Variants in LMAN2L observed in about 807,000 individuals in gnomAD.
The protein encoded by LMAN2L is VIP36-like protein.
A neutral mutation model predicts 44.3 loss-of-function variants in LMAN2L; 30 were observed. The observed-to-expected ratio is 0.68, with a 90% CI of 0.51 to 0.92. The LOEUF (loss-of-function observed/expected upper bound fraction) is 0.92, where lower values mean the gene tolerates loss of function less well. Among genes scored for constraint, LMAN2L ranks in the 40% least tolerant of loss-of-function variants. The probability of loss-of-function intolerance (pLI) is 0.00; values close to 1 mark genes in which losing one functional copy is unlikely to be tolerated. For synonymous variants in LMAN2L, 183 were observed against 171.1 expected, an observed-to-expected ratio of 1.07 and a Z score of -0.54; for missense variants, 429 against 446.1, an observed-to-expected ratio of 0.96 and a Z score of 0.35.
intron 4 of LMAN2L, among the ~76,000 whole-genome samples, chr2:96,728,354 C>T (rs182859296): frequency 3.3e-5 from 5 of 151,852 alleles, no homozygotes; most frequent in South Asian, 4.2e-4. Flanking sequence ...AAAAATTAGC[C>T]GGGCGTGGTT....
At chr2:96,715,695 G>A (rs1055602926) in intron 4 of LMAN2L, among the ~76,000 whole-genome samples, 2 of 152,180 alleles carry the variant, frequency 1.3e-5, no homozygotes, top group East Asian at 3.8e-4. Flanking sequence ...TTAAAAAAGT[G>A]TTTTTTGAAG....
intron 4 of LMAN2L, among the ~76,000 whole-genome samples, chr2:96,724,546 C>CTGA (rs2078227280): frequency 6.6e-6 from 1 of 152,296 alleles, no homozygotes; most frequent in African/African-American, 2.4e-5. Flanking sequence ...TGCTCTGTTA[C>CTGA]TGAGGCTAGA....
intron 4 of LMAN2L, among the ~76,000 whole-genome samples, chr2:96,729,930 G>T (rs1211635389): frequency 6.6e-6 from 1 of 152,158 alleles, no homozygotes; most frequent in Non-Finnish European, 1.5e-5. Flanking sequence ...CACTTCAGAC[G>T]AACTGAATCA....
chr2:96,720,362 G>A (rs1320740151), intron 4 of LMAN2L, among the ~76,000 whole-genome samples: 1 of 152,136 alleles, frequency 6.6e-6, no homozygotes, highest in Non-Finnish European at 1.5e-5. Context: ...GTAGCTCCAA[G>A]ATTGCTACTG....
At position 96,739,881 on chromosome 2, in the gene LMAN2L, C is replaced by G. The variant is rs146798342; in HGVS notation, c.160G>C (p.Glu54Gln). The change falls in exon 1 of 8, where the codon GAG becomes CAG. Residue 54 changes from glutamate to glutamine, a missense_variant. By Grantham distance (29) the Glu-to-Gln change is conservative. Coordinates refer to ENST00000264963, the MANE Select transcript of LMAN2L (RefSeq NM_030805.4). ...AGQTFEYLKR[E>Q]HSLSKPYQGV... ...TGGTAGGGCTTCGACAGCGAGTGCT[C>G]CCGTTTCAAGTACTCGAACGTTTGA... The G allele has an allele frequency of 1.2e-6, 2 of 1,613,856 alleles. No homozygotes were observed. Among genetic ancestry groups the G allele is most frequent in the African/African-American group, 2.7e-5 (2 of 74,904 alleles).
intron 2 of LMAN2L, among the ~76,000 whole-genome samples, chr2:96,736,488 G>A (rs2078518183): frequency 6.6e-6 from 1 of 152,200 alleles, no homozygotes; most frequent in Non-Finnish European, 1.5e-5. Flanking sequence ...GCTGCTACAA[G>A]TTATGTAGAG....
intron 4 of LMAN2L, among the ~76,000 whole-genome samples, chr2:96,727,702 GTT>G (rs2078298911): frequency 1.3e-5 from 2 of 152,208 alleles, no homozygotes; most frequent in African/African-American, 4.8e-5. Context: ...CCAGAAAAAT[GTT>G]TTTACCACTG....
At chr2:96,717,767 A>G (rs1402219998) in intron 4 of LMAN2L, among the ~76,000 whole-genome samples, 4 of 149,312 alleles carry the variant, frequency 2.7e-5, no homozygotes, top group Middle Eastern at 3.4e-3. Context: ...TGAACCCAGG[A>G]GGCAGAGGCC....
At position 96,740,016 on chromosome 2, in the gene LMAN2L, C is replaced by G. The variant is rs1345928496; in HGVS notation, c.25G>C (p.Gly9Arg). The G allele has an allele frequency of 1.2e-6, 2 of 1,612,506 alleles. No individual in the cohort carries two copies. The highest frequency in any genetic ancestry group is 8.5e-7 in the Non-Finnish European group (1 of 1,179,686). Residue 9 changes from glycine (G) to arginine (R), a missense_variant, in exon 1 of 8, where the codon GGG becomes CGG. Physicochemically the swap from Gly to Arg is moderately radical, Grantham distance 125 (BLOSUM62 -2). Coordinates refer to ENST00000264963, the MANE Select transcript of LMAN2L (RefSeq NM_030805.4). Reference protein sequence around the residue: MAATLGPLGSWQQWRRCLS... With the variant: MAATLGPLRSWQQWRRCLS... ...CATCGCCGCCACTGCTGCCACGACC[C>G]AAGGGGTCCCAGAGTCGCCGCCATC...
chr2:96,726,154 T>G (rs2078266113), intron 4 of LMAN2L, among the ~76,000 whole-genome samples: 2 of 150,714 alleles, frequency 1.3e-5, no homozygotes, highest in Non-Finnish European at 1.5e-5. Context: ...AAAAAAGAAA[T>G]AAACCTTTTT....
chr2:96,721,326 CTTTTTTTTT>C (rs56023035), intron 4 of LMAN2L, among the ~76,000 whole-genome samples: 12 of 84,600 alleles, frequency 1.4e-4, no homozygotes, highest in African/African-American at 4.4e-4. Context: ...TTCTTTCAGT[CTTTTTTTTT>C]TTTTTTTTTT....
chr2:96,738,421 G>A (rs1039656280), intron 1 of LMAN2L, among the ~76,000 whole-genome samples: 1 of 152,130 alleles, frequency 6.6e-6, no homozygotes, highest in Non-Finnish European at 1.5e-5. Context: ...GCTCACCCAT[G>A]TAATCCCCAC....
intron 3 of LMAN2L, among the ~76,000 whole-genome samples, chr2:96,734,113 C>T (rs574176435): frequency 6.6e-6 from 1 of 152,328 alleles, no homozygotes; most frequent in East Asian, 1.9e-4. Context: ...GAAATCAGCT[C>T]ACCCAATCGT....
intron 4 of LMAN2L, chr2:96,713,155 A>C (rs1372590165): frequency 6.4e-7 from 1 of 1,550,902 alleles, no homozygotes; most frequent in Non-Finnish European, 8.7e-7. Context: ...AGGGTCCAGC[A>C]GGTTATGATA....
At chr2:96,718,720 C>A (rs999392517) in intron 4 of LMAN2L, among the ~76,000 whole-genome samples, 5 of 152,108 alleles carry the variant, frequency 3.3e-5, no homozygotes, top group Non-Finnish European at 5.9e-5. Context: ...CAATACCCAT[C>A]CTATTTAAAG....
Position 96,740,064 on chromosome 2 carries a change from C to T in LMAN2L, c.-24G>A, listed in dbSNP as rs2078605973. ...ATCTTTCCCACCAACGACCCTTCAT[C>T]AAAAGCCCGCCCCGTCGCCCAACCC... is the stretch of plus-strand genomic sequence containing the variant. On this transcript the variant is annotated 5_prime_UTR_variant, in exon 1 of 8. Coordinates refer to ENST00000264963, the MANE Select transcript of LMAN2L (RefSeq NM_030805.4). 1 of 1,586,554 alleles carries T rather than the reference C, an allele frequency of 6.3e-7. No individual in the cohort carries two copies. The highest frequency in any genetic ancestry group is 8.6e-7 in the Non-Finnish European group (1 of 1,167,300).
chr2:96,725,088 C>T (rs1462330431), intron 4 of LMAN2L, among the ~76,000 whole-genome samples: 2 of 152,174 alleles, frequency 1.3e-5, no homozygotes, highest in Non-Finnish European at 2.9e-5. Context: ...GCCTCAGCCT[C>T]CCAAAGTGCT....
At chr2:96,724,107 AAAAG>A (rs1249821863) in intron 4 of LMAN2L, among the ~76,000 whole-genome samples, 2 of 152,214 alleles carry the variant, frequency 1.3e-5, no homozygotes, top group African/African-American at 4.8e-5. Context: ...TCAAAAAAAA[AAAAG>A]AAAGAAAAAG....
chr2:96,712,266 G>A (rs2077943161), intron 4 of LMAN2L, among the ~76,000 whole-genome samples: 2 of 152,180 alleles, frequency 1.3e-5, no homozygotes, highest in Admixed American at 1.3e-4. Context: ...CCTGAACTGG[G>A]GTGGGCCTGA....
Sources: gnomAD v4.1 joint callset for allele counts (sites outside exome capture counted in the v4.1 genomes callset) on GRCh38, gnomAD v4.1.1 for gene constraint, MANE v1.5 for transcripts, NCBI Gene and HGNC (gene_info 2026-07-23, HGNC 2026-07-21) for gene names.